CALCR: variants seen among roughly 807,000 people sequenced by gnomAD.
CALCR encodes the protein calcitonin receptor.
Under a neutral mutation model 59.5 loss-of-function variants are expected in CALCR, and 47 were observed. The ratio of observed to expected loss-of-function variants is 0.79; its 90% confidence interval spans 0.63 to 1.01. The LOEUF is 1.01. Among genes scored for constraint, CALCR ranks in the 50% least tolerant of loss-of-function variants. CALCR has a pLI of 0.00. For missense variants in CALCR, 566 were observed against 597.1 expected (o/e 0.95, Z 0.54); for synonymous variants, 213 against 211.3 (o/e 1.01, Z -0.07).
Position 93,553,677 on chromosome 7 carries a change from A to G in CALCR, c.-27+20612T>C, listed in dbSNP as rs558198500. ...GGGGCTAATAACAGCATATATTTAT[A>G]GTGTTGTTATGATGATTCTATGAGT... On this transcript the variant is annotated intron_variant, in intron 2 of 13. Coordinates refer to ENST00000426151, the MANE Select transcript of CALCR (RefSeq NM_001742.4). Among the ~76,000 whole-genome samples the G allele has an allele frequency of 2.6e-5, 4 of 152,202 alleles. No individual in the cohort carries two copies. In the East Asian group the frequency reaches 7.7e-4, roughly 29 times the overall value.
chr7:93,548,023 C>T (rs1789339543), intron 2 of CALCR, among the ~76,000 whole-genome samples: 1 of 152,164 alleles, frequency 6.6e-6, no homozygotes, highest in African/African-American at 2.4e-5. Context: ...ACACATAACC[C>T]TGTCTATGGA....
chr7:93,544,312 G>A (rs1180937701), intron 2 of CALCR, among the ~76,000 whole-genome samples: 2 of 152,074 alleles, frequency 1.3e-5, no homozygotes. Flanking sequence ...AAGGCTGGGT[G>A]TTCACAATTT....
intron 3 of CALCR, among the ~76,000 whole-genome samples, chr7:93,486,171 G>T (rs987904411): frequency 1.3e-4 from 20 of 151,482 alleles, no homozygotes; most frequent in African/African-American, 4.8e-4. Context: ...GTGACAGAAA[G>T]GATAAGAAGC....
rs777232933 is a variant in CALCR, at chr7:93,486,988, T to C, written c.-7A>G. The C allele has an allele frequency of 1.3e-6, 2 of 1,580,406 alleles. No homozygotes were observed. Among genetic ancestry groups the C allele is most frequent in the East Asian group, 2.3e-5 (1 of 44,384 alleles). On this transcript the variant is annotated 5_prime_UTR_variant, in exon 3 of 14. Transcript: ENST00000426151. ...TTGTAAATGTGAACCTCATTTTTGA[T>C]TTTTGAAGATCTCTTTGTCCTAGAA...
intron 13 of CALCR, among the ~76,000 whole-genome samples, chr7:93,427,404 G>C (rs995387845): frequency 1.3e-5 from 2 of 152,028 alleles, no homozygotes; most frequent in Non-Finnish European, 2.9e-5. Flanking sequence ...CTCTATAGCT[G>C]AACAAAACTA....
chr7:93,570,454 A>C (rs1563024758), intron 2 of CALCR, among the ~76,000 whole-genome samples: 1 of 152,184 alleles, frequency 6.6e-6, no homozygotes, highest in Non-Finnish European at 1.5e-5. Context: ...AGAGAGAGGA[A>C]AGACATAAAT....
intron 2 of CALCR, among the ~76,000 whole-genome samples, chr7:93,519,397 G>A (rs1210941325): frequency 6.6e-6 from 1 of 151,734 alleles, no homozygotes; most frequent in Non-Finnish European, 1.5e-5. Flanking sequence ...TTATTAGTAG[G>A]GTGACCCTAG....
intron 7 of CALCR, among the ~76,000 whole-genome samples, chr7:93,462,950 A>G (rs1800368362): frequency 6.6e-6 from 1 of 151,984 alleles, no homozygotes; most frequent in Non-Finnish European, 1.5e-5. Context: ...AAAGGAATTT[A>G]TTTTATACAT....
At chr7:93,496,182 TC>T (rs1801198827) in intron 2 of CALCR, among the ~76,000 whole-genome samples, 1 of 151,396 alleles carries the variant, frequency 6.6e-6, no homozygotes. Flanking sequence ...AGAGCAGCAA[TC>T]CCATGAGAAG....
chr7:93,460,573 ATATATATATAT>A lies in CALCR; in HGVS notation c.648+237_648+247del, dbSNP rs1227212793. On this transcript the variant is annotated intron_variant, in intron 8 of 13. Transcript: ENST00000426151. ...TCTATCTAAAAAAAAAAAAAAAAAA[ATATATATATAT>A]ATATATATGTATATATATATATATA... Among the ~76,000 whole-genome samples, 8 of 77,998 alleles carry A rather than the reference ATATATATATAT, an allele frequency of 1.0e-4. 2 individuals are homozygous for A. Among genetic ancestry groups the A allele is most frequent in the African/African-American group, 6.1e-4 (8 of 13,024 alleles). 51.2% of individuals were successfully genotyped at this position (77,998 alleles called of 152,430 possible).
At chr7:93,429,926 G>GTTTTT (rs370223680) in intron 13 of CALCR, among the ~76,000 whole-genome samples, 3 of 101,452 alleles carry the variant, frequency 3.0e-5, no homozygotes, top group African/African-American at 7.0e-5. Flanking sequence ...TTTTTTTTTT[G>GTTTTT]TTTGTTTGTT....
chr7:93,489,203 T>G (rs68124654), intron 2 of CALCR, among the ~76,000 whole-genome samples: 19,148 of 151,852 alleles, frequency 0.13, 2,626 homozygotes, highest in African/African-American at 0.33. Flanking sequence ...ATCAAGAAGT[T>G]CTTGGAAACC....
At chr7:93,462,097 T>A in intron 7 of CALCR, 1 of 1,500,272 alleles carries the variant, frequency 6.7e-7, no homozygotes, top group Non-Finnish European at 9.0e-7. Flanking sequence ...AAAGGAAAAA[T>A]AGTTGTCAAT....
intron 2 of CALCR, among the ~76,000 whole-genome samples, chr7:93,521,080 C>T (rs748889287): frequency 1.3e-5 from 2 of 152,120 alleles, no homozygotes; most frequent in African/African-American, 2.4e-5. Context: ...AAGGTCCAAA[C>T]CCTTCCCCTG....
At chr7:93,548,310 G>A (rs747627965) in intron 2 of CALCR, among the ~76,000 whole-genome samples, 3 of 152,134 alleles carry the variant, frequency 2.0e-5, no homozygotes, top group Non-Finnish European at 1.5e-5. Flanking sequence ...TTGGCAAAGC[G>A]AATGACTCTA....
intron 8 of CALCR, among the ~76,000 whole-genome samples, chr7:93,453,492 C>T (rs893430253): frequency 1.3e-5 from 2 of 151,990 alleles, no homozygotes; most frequent in African/African-American, 4.8e-5. Flanking sequence ...CACTTCACAA[C>T]GTTCCAGCAA....
chr7:93,573,739 G>A (rs1314122375), intron 2 of CALCR, among the ~76,000 whole-genome samples: 1 of 152,172 alleles, frequency 6.6e-6, no homozygotes, highest in Non-Finnish European at 1.5e-5. Flanking sequence ...TGGAAACTAT[G>A]CACACAACAT....
At chr7:93,540,576 TA>T (rs774870505) in intron 2 of CALCR, among the ~76,000 whole-genome samples, 2 of 152,114 alleles carry the variant, frequency 1.3e-5, no homozygotes, top group Non-Finnish European at 2.9e-5. Flanking sequence ...AAATGGCTAA[TA>T]AACTCTATCT....
chr7:93,484,052 A>C (rs774318907), intron 3 of CALCR: 7 of 493,716 alleles, frequency 1.4e-5, no homozygotes, highest in Non-Finnish European at 2.6e-5. Context: ...AAACATCATC[A>C]GTTTTTTTCA....
Sources: gnomAD v4.1 joint callset for allele counts (sites outside exome capture counted in the v4.1 genomes callset) on GRCh38, gnomAD v4.1.1 for gene constraint, MANE v1.5 for transcripts, NCBI Gene and HGNC (gene_info 2026-07-23, HGNC 2026-07-21) for gene names.